WDR7: variants seen among roughly 807,000 people sequenced by gnomAD.
The protein encoded by WDR7 is WD repeat domain 7, also known as WD repeat-containing protein 7.
WDR7 carries 46 observed loss-of-function variants against 169.4 expected under a neutral mutation model. That is an observed-to-expected ratio of 0.27 (90% CI 0.21 to 0.35). The LOEUF is 0.35. Ranked by LOEUF, WDR7 falls within the 10% of genes least tolerant of loss-of-function variation. WDR7 has a pLI of 1.00. For synonymous variants in WDR7, 612 were observed against 666.8 expected (o/e 0.92, Z 1.27); for missense variants, 1,534 against 1,859.3 (o/e 0.83, Z 3.22).
intron 21 of WDR7, among the ~76,000 whole-genome samples, chr18:56,906,519 T>A (rs11151984): frequency 1.3e-5 from 2 of 150,460 alleles, no homozygotes; most frequent in Admixed American, 1.3e-4. Flanking sequence ...ATGCTTCTTT[T>A]TTCTTTTTCT....
chr18:56,997,349 C>T (rs2047912260), intron 26 of WDR7, among the ~76,000 whole-genome samples: 1 of 152,204 alleles, frequency 6.6e-6, no homozygotes, highest in Non-Finnish European at 1.5e-5. Flanking sequence ...AGACAACGTT[C>T]ATTCTTGAAT....
At chr18:56,764,230 C>G (rs2044026891) in intron 16 of WDR7, among the ~76,000 whole-genome samples, 1 of 152,060 alleles carries the variant, frequency 6.6e-6, no homozygotes, top group Non-Finnish European at 1.5e-5. Context: ...CCATATTGTA[C>G]TTTTAATTTT....
chr18:56,867,518 A>G (rs1568238879), intron 20 of WDR7, among the ~76,000 whole-genome samples: 1 of 152,170 alleles, frequency 6.6e-6, no homozygotes, highest in African/African-American at 2.4e-5. Flanking sequence ...TAACCTAATG[A>G]TTCAAATCAT....
intron 21 of WDR7, among the ~76,000 whole-genome samples, chr18:56,892,326 A>G (rs1312066096): frequency 6.6e-6 from 1 of 152,086 alleles, no homozygotes; most frequent in Non-Finnish European, 1.5e-5. Flanking sequence ...GTCTGCTTTT[A>G]TACATTCCAG....
chr18:56,855,497 T>G (rs2045707008), intron 20 of WDR7, among the ~76,000 whole-genome samples: 1 of 152,222 alleles, frequency 6.6e-6, no homozygotes, highest in African/African-American at 2.4e-5. Flanking sequence ...TTCATAAGTT[T>G]TAAAGTTTTC....
intron 26 of WDR7, among the ~76,000 whole-genome samples, chr18:56,998,796 G>A (rs2047934350): frequency 6.6e-6 from 1 of 152,026 alleles, no homozygotes; most frequent in South Asian, 2.1e-4. Flanking sequence ...TGATTTAAGT[G>A]GCTATTTATA....
chr18:57,014,382 G>T (rs2048179154), intron 26 of WDR7, among the ~76,000 whole-genome samples: 1 of 149,814 alleles, frequency 6.7e-6, no homozygotes, highest in South Asian at 2.1e-4. Context: ...ACATCTTGAG[G>T]CCAGGTGCTC....
chr18:56,812,156 GTAGT>G (rs2044880505), intron 19 of WDR7, among the ~76,000 whole-genome samples: 1 of 151,932 alleles, frequency 6.6e-6, no homozygotes, highest in African/African-American at 2.4e-5. Flanking sequence ...TCAGTGTTTT[GTAGT>G]TGTCAGCATA....
chr18:56,855,550 G>T (rs1443131147), intron 20 of WDR7, among the ~76,000 whole-genome samples: 1 of 151,982 alleles, frequency 6.6e-6, no homozygotes, highest in East Asian at 1.9e-4. Context: ...GTTGATTTTT[G>T]TGTATGGTGT....
intron 9 of WDR7, among the ~76,000 whole-genome samples, chr18:56,693,561 G>GTTTTTTTTTTTTTT (rs1257964211): frequency 2.0e-5 from 2 of 98,756 alleles, no homozygotes; most frequent in African/African-American, 3.4e-5. Flanking sequence ...AATTTTGTTG[G>GTTTTTTTTTTTTTT]TTTTTTTTTT....
At chr18:56,865,548 A>T (rs1347295917) in intron 20 of WDR7, among the ~76,000 whole-genome samples, 1 of 152,170 alleles carries the variant, frequency 6.6e-6, no homozygotes, top group African/African-American at 2.4e-5. Flanking sequence ...GCATGTTTAT[A>T]GTAGACAACT....
chr18:56,979,979 C>A (rs1298343774), intron 26 of WDR7, among the ~76,000 whole-genome samples: 1 of 152,194 alleles, frequency 6.6e-6, no homozygotes, highest in Admixed American at 6.5e-5. Flanking sequence ...CAACCAGAGA[C>A]TTCCTTAACC....
intron 25 of WDR7, among the ~76,000 whole-genome samples, chr18:56,952,865 T>C (rs2145742804): frequency 6.6e-6 from 1 of 152,256 alleles, no homozygotes; most frequent in South Asian, 2.1e-4. Context: ...TATTATATGA[T>C]CCCCAGCTAT....
chr18:56,686,026 C>T lies in WDR7; in HGVS notation c.591C>T (p.Asp197=), dbSNP rs748224388. ...GGATTGTTACCTCGGAAATAAGTGA[C>T]ATGCAGGTGAGAAAAAGGAAACTGG... ...KVWIVTSEIS[D]MQDTEPIFEE... is the part of the protein sequence containing the mutation. Residue 197 remains aspartate (D), a synonymous_variant, in exon 6 of 28, where the codon GAC becomes GAT. Transcript: ENST00000254442. The T allele has an allele frequency of 6.3e-7, 1 of 1,592,272 alleles. No individual in the cohort carries two copies. The highest frequency in any genetic ancestry group is 8.5e-7 in the Non-Finnish European group (1 of 1,172,938).
rs2048397078 is a variant in WDR7 at position 57,028,271 on chromosome 18, G to A, written c.*1064G>A. 1 of 152,178 alleles carries A rather than the reference G, an allele frequency of 6.6e-6. No homozygotes were observed. Among genetic ancestry groups the A allele is most frequent in the Non-Finnish European group, 1.5e-5 (1 of 68,032 alleles). 9.4% of individuals were successfully genotyped at this position (152,178 alleles called of 1,614,324 possible). A position where few individuals can be genotyped will look rare whatever the true frequency, so the allele number is the denominator to read the frequency against. On this transcript the variant is annotated 3_prime_UTR_variant, in exon 28 of 28. Coordinates refer to ENST00000254442, the MANE Select transcript of WDR7 (RefSeq NM_015285.3). ...GAAAAGTAATAACTATGGCACAAAT[G>A]TTCAGGAGTGTATATAAAAATATGT... is the stretch of plus-strand genomic sequence containing the variant.
At chr18:56,954,722 A>T (rs910542516) in intron 25 of WDR7, among the ~76,000 whole-genome samples, 2 of 152,122 alleles carry the variant, frequency 1.3e-5, no homozygotes, top group Non-Finnish European at 2.9e-5. Context: ...TTGGATATAT[A>T]TTAGAATAAT....
At chr18:56,819,700 T>C (rs951334656) in intron 20 of WDR7, among the ~76,000 whole-genome samples, 3 of 152,142 alleles carry the variant, frequency 2.0e-5, no homozygotes, top group African/African-American at 7.2e-5. Context: ...GCATGGGAAA[T>C]GTACTTTTCA....
intron 9 of WDR7, 75 bp downstream of exon 9, chr18:56,691,892 G>T: frequency 8.4e-7 from 1 of 1,193,142 alleles, no homozygotes; most frequent in South Asian, 1.5e-5. Context: ...ATTGTCTTGT[G>T]ATAGGTTTAA....
At chr18:56,706,406 C>CTT (rs2144688408) in intron 12 of WDR7, among the ~76,000 whole-genome samples, 1 of 152,286 alleles carries the variant, frequency 6.6e-6, no homozygotes, top group East Asian at 1.9e-4. Context: ...TGAGAACAGC[C>CTT]TTTAGAACCA....
Sources: allele counts gnomAD v4.1 joint callset (sites outside exome capture counted in the v4.1 genomes callset), GRCh38; gene constraint gnomAD v4.1.1; transcripts MANE v1.5; gene names NCBI Gene and HGNC (gene_info 2026-07-23, HGNC 2026-07-21).